The following PLEKHD1 variants were observed in gnomAD, a reference collection of about 807,000 sequenced individuals.
The protein encoded by PLEKHD1 is pleckstrin homology and coiled-coil domain containing D1.
In PLEKHD1, 51 loss-of-function variants were observed where a neutral mutation model predicts 69.2. The ratio of observed to expected loss-of-function variants is 0.74; its 90% CI spans 0.59 to 0.93. The LOEUF (loss-of-function observed/expected upper bound fraction) is 0.93. Among genes scored for constraint, PLEKHD1 ranks in the 40% least tolerant of loss-of-function variants. The probability of loss-of-function intolerance (pLI) is 0.00; values close to 1 mark genes in which losing one functional copy is unlikely to be tolerated. For synonymous variants in PLEKHD1, 236 were observed against 244.7 expected, an observed-to-expected ratio of 0.96 and a Z score of 0.33; for missense variants, 584 against 641.0, an observed-to-expected ratio of 0.91 and a Z score of 0.96.
chr14:69,472,464 C>T, the PLEKHD1 span, among the ~76,000 whole-genome samples: 2 of 152,184 alleles, frequency 1.3e-5, no homozygotes, highest in Admixed American at 1.3e-4. Flanking sequence ...GTTCTGTATG[C>T]TGCTCTATTT....
At chr14:69,503,024 A>C (rs1883065859) in intron 6 of PLEKHD1, 145 bp downstream of exon 6, 1 of 879,416 alleles carries the variant, frequency 1.1e-6, no homozygotes, top group Non-Finnish European at 1.8e-6. Flanking sequence ...ATGGGATCAC[A>C]GTGCTTGCTT....
At chr14:69,490,637 T>A (rs962409989) in intron 1 of PLEKHD1, among the ~76,000 whole-genome samples, 1 of 152,208 alleles carries the variant, frequency 6.6e-6, no homozygotes, top group Non-Finnish European at 1.5e-5. Context: ...GTGTCATGAC[T>A]CATGCATTTC....
At chr14:69,494,678 C>A (rs117727161) in intron 1 of PLEKHD1, among the ~76,000 whole-genome samples, 1 of 152,186 alleles carries the variant, frequency 6.6e-6, no homozygotes, top group African/African-American at 2.4e-5. Context: ...AGACCAACTG[C>A]GCAGGGCCTG....
chr14:69,503,055 G>A, intron 6 of PLEKHD1, 176 bp downstream of exon 6: 1 of 678,336 alleles, frequency 1.5e-6, no homozygotes, highest in Non-Finnish European at 2.5e-6. Flanking sequence ...GTAACTTGTT[G>A]GTAAGAAGTG....
At chr14:69,518,197 G>A (rs1400838031) in intron 6 of PLEKHD1, among the ~76,000 whole-genome samples, 1 of 151,886 alleles carries the variant, frequency 6.6e-6, no homozygotes, top group Non-Finnish European at 1.5e-5. Flanking sequence ...ACCATACCTG[G>A]CTAATTTTTT....
chr14:69,496,326 C>T (rs1162633407), intron 1 of PLEKHD1, among the ~76,000 whole-genome samples: 1 of 152,166 alleles, frequency 6.6e-6, no homozygotes, highest in East Asian at 1.9e-4. Context: ...TCAGCTTGGG[C>T]TACTATAACA....
chr14:69,468,353 C>T, the PLEKHD1 span, among the ~76,000 whole-genome samples: 27,958 of 151,962 alleles, frequency 0.18, 2,682 homozygotes, highest in South Asian at 0.27. Flanking sequence ...ATACTCCTTT[C>T]GAAAATTGTA....
the PLEKHD1 span, among the ~76,000 whole-genome samples, chr14:69,472,436 A>G: frequency 3.7e-4 from 56 of 152,008 alleles, no homozygotes; most frequent in Non-Finnish European, 2.9e-4. Flanking sequence ...TAAAACTGTA[A>G]CCTGTCCCCA....
chr14:69,504,498 G>T (rs528249094), intron 6 of PLEKHD1, among the ~76,000 whole-genome samples: 2 of 151,888 alleles, frequency 1.3e-5, no homozygotes, highest in Non-Finnish European at 2.9e-5. Flanking sequence ...TATTCCCAGG[G>T]CCTGGCACAG....
Position 69,527,855 on chromosome 14 carries a change from A to G in PLEKHD1, c.1274A>G (p.Tyr425Cys). Residue 425 changes from tyrosine (Y) to cysteine (C), a missense_variant, in exon 12 of 13, where the codon TAC becomes TGC. Tyr to Cys is a radical substitution (Grantham distance 194). Coordinates refer to ENST00000322564, the MANE Select transcript of PLEKHD1 (RefSeq NM_001161498.2). ...CCTGTGATCATGAAGAACTCCGTGT[A>G]CATCCATAAGGCAGCCACTCGCCGC... ...KMPVIMKNSVYIHKAATRRIK... is the reference protein window; with the variant it reads ...KMPVIMKNSVCIHKAATRRIK... 6.4e-7 allele frequency: 1 copy of G among 1,551,476 alleles called. No individual in the cohort carries two copies. The highest frequency in any genetic ancestry group is 8.7e-7 in the Non-Finnish European group (1 of 1,146,996).
intron 4 of PLEKHD1, chr14:69,501,427 A>C: frequency 2.9e-6 from 1 of 339,720 alleles, no homozygotes; most frequent in Non-Finnish European, 5.4e-6. Context: ...TGCACTGGGT[A>C]GCGGACATTC....
intron 3 of PLEKHD1, 73 bp downstream of exon 3, chr14:69,500,739 A>T: frequency 6.6e-7 from 1 of 1,513,870 alleles, no homozygotes; most frequent in Admixed American, 2.0e-5. Flanking sequence ...CAGGACACAC[A>T]TCCCATGTCC....
At chr14:69,474,561 T>C in the PLEKHD1 span, among the ~76,000 whole-genome samples, 1 of 152,222 alleles carries the variant, frequency 6.6e-6, no homozygotes, top group Non-Finnish European at 1.5e-5. Context: ...TCCATTGTAT[T>C]AATTTATGGC....
At chr14:69,513,334 C>T (rs924058129) in intron 6 of PLEKHD1, among the ~76,000 whole-genome samples, 1 of 151,986 alleles carries the variant, frequency 6.6e-6, no homozygotes, top group African/African-American at 2.4e-5. Flanking sequence ...AGAATCACAG[C>T]AGATTGACAG....
the PLEKHD1 span, among the ~76,000 whole-genome samples, chr14:69,477,616 C>T: frequency 7.2e-3 from 1,089 of 152,306 alleles, 14 homozygotes; most frequent in African/African-American, 0.025. Context: ...GTAAATACAG[C>T]CATTCCAAAT....
intron 6 of PLEKHD1, among the ~76,000 whole-genome samples, chr14:69,509,806 CG>C (rs1166082561): frequency 6.6e-6 from 1 of 151,960 alleles, no homozygotes; most frequent in Non-Finnish European, 1.5e-5. Context: ...GGCGTGGTGG[CG>C]GGCGCCTGTA....
chr14:69,513,434 C>T (rs1024210113), intron 6 of PLEKHD1, among the ~76,000 whole-genome samples: 1 of 152,054 alleles, frequency 6.6e-6, no homozygotes, highest in East Asian at 1.9e-4. Context: ...ACAGAAGCAG[C>T]AAGATTGGTT....
In PLEKHD1 at chr14:69,484,986, C is replaced by T; in HGVS notation, c.21C>T (p.Asn7=). The T allele has an allele frequency of 6.4e-7, 1 of 1,551,218 alleles. No individual in the cohort carries two copies. Among genetic ancestry groups the T allele is most frequent in the Non-Finnish European group, 8.7e-7 (1 of 1,146,864 alleles). ...GCAGGATGTTCACGTCCAAGTCCAA[C>T]TCGGTGTCGCCCTCGCCGTCCCTGG... is the stretch of plus-strand genomic sequence containing the variant. MFTSKS[N]SVSPSPSLEQ... is the part of the protein sequence containing the mutation. The change falls in exon 1 of 13, where the codon AAC becomes AAT. Residue 7 remains asparagine (N), a synonymous_variant. Coordinates refer to ENST00000322564, the MANE Select transcript of PLEKHD1 (RefSeq NM_001161498.2).
Position 69,500,114 on chromosome 14 carries a change from G to T in PLEKHD1, c.150-1G>T, listed in dbSNP as rs2139504819. 1 of 1,546,422 alleles carries T rather than the reference G, an allele frequency of 6.5e-7. No individual in the cohort carries two copies. The highest frequency in any genetic ancestry group is 2.4e-5 in the East Asian group (1 of 40,908). On this transcript the variant is annotated splice_acceptor_variant, in intron 1 of 12. Coordinates refer to ENST00000322564, the MANE Select transcript of PLEKHD1 (RefSeq NM_001161498.2). LOFTEE classifies it high-confidence loss of function. ...TTTTCCTTCCCCACCGCCCACTATA[G>T]GTTTTTCATCATCAAAGAGAGCTTT...
Sources: gnomAD v4.1 joint callset for allele counts (sites outside exome capture counted in the v4.1 genomes callset) on GRCh38, gnomAD v4.1.1 for gene constraint, MANE v1.5 for transcripts, NCBI Gene and HGNC (gene_info 2026-07-23, HGNC 2026-07-21) for gene names.